The following TCP11L1 variants were observed in gnomAD, a reference collection of about 807,000 sequenced individuals.
TCP11L1 encodes the protein T-complex protein 11-like protein 1.
In TCP11L1, 28 loss-of-function variants were observed where a neutral mutation model predicts 48.9. The ratio of observed to expected loss-of-function variants is 0.57; its 90% CI spans 0.42 to 0.78. The LOEUF is 0.78. Among genes scored for constraint, TCP11L1 ranks in the 30% least tolerant of loss-of-function variants. The pLI is 0.00. For missense variants in TCP11L1, 505 were observed against 613.4 expected (o/e 0.82, Z 1.87); for synonymous variants, 204 against 231.9 (o/e 0.88, Z 1.09).
chr11:33,044,524 G>A (rs751022790), intron 2 of TCP11L1, among the ~76,000 whole-genome samples: 22 of 152,200 alleles, frequency 1.4e-4, no homozygotes, highest in Non-Finnish European at 2.9e-4. Flanking sequence ...GCATTTTGAA[G>A]TGAGTCCAAA....
intron 2 of TCP11L1, among the ~76,000 whole-genome samples, chr11:33,053,570 C>G (rs1258605721): frequency 6.6e-6 from 1 of 152,192 alleles, no homozygotes; most frequent in African/African-American, 2.4e-5. Context: ...GCAGTCGATA[C>G]AGAAGTAAAA....
At chr11:33,064,315 C>T (rs886065335) in intron 7 of TCP11L1, among the ~76,000 whole-genome samples, 2 of 152,130 alleles carry the variant, frequency 1.3e-5, no homozygotes, top group African/African-American at 4.8e-5. Context: ...GACGATGAGT[C>T]CTTGGGATTG....
At position 33,065,911 on chromosome 11, in the gene TCP11L1, G is replaced by C; in HGVS notation, c.1054G>C (p.Val352Leu). The C allele has an allele frequency of 1.9e-6, 3 of 1,614,200 alleles. No homozygotes were observed. Among genetic ancestry groups the C allele is most frequent in the Non-Finnish European group, 2.5e-6 (3 of 1,180,024 alleles). The change falls in exon 8 of 10, where the codon GTC becomes CTC. Residue 352 changes from valine (V) to leucine (L), a missense_variant. By Grantham distance (32) the Val-to-Leu change is conservative (BLOSUM62 1). Around this residue, in one of 3 missense-constraint regions of TCP11L1, gnomAD observed 335 missense variants for 413.3 expected, o/e 0.81. Transcript: ENST00000334274. Reference sequence around the variant, plus strand: ...GACCATCCTGGGGGCTGTGTTGCTGGTCACCTTCAGCATGGCAGCGCCAGG... The same window carrying C: ...GACCATCCTGGGGGCTGTGTTGCTGCTCACCTTCAGCATGGCAGCGCCAGG... Reference protein sequence around the residue: ...QLTILGAVLLVTFSMAAPGIS... With the variant: ...QLTILGAVLLLTFSMAAPGIS...
intron 9 of TCP11L1, among the ~76,000 whole-genome samples, chr11:33,070,363 C>A (rs1027119469): frequency 1.6e-4 from 25 of 152,032 alleles, no homozygotes; most frequent in African/African-American, 5.6e-4. Context: ...GGCTGCCAGC[C>A]CTGGGAACCT....
chr11:33,063,761 A>G (rs1364464028), intron 7 of TCP11L1, among the ~76,000 whole-genome samples: 1 of 152,140 alleles, frequency 6.6e-6, no homozygotes, highest in Non-Finnish European at 1.5e-5. Flanking sequence ...TTCTCTAAAT[A>G]TCTTTCTTAT....
intron 9 of TCP11L1, among the ~76,000 whole-genome samples, chr11:33,070,329 A>G (rs772798097): frequency 6.6e-5 from 10 of 151,990 alleles, no homozygotes; most frequent in Non-Finnish European, 1.3e-4. Context: ...GGTAGGAACA[A>G]TACAAAGATT....
intron 2 of TCP11L1, among the ~76,000 whole-genome samples, chr11:33,051,177 A>T (rs1854149329): frequency 6.6e-6 from 1 of 151,078 alleles, no homozygotes; most frequent in Non-Finnish European, 1.5e-5. Context: ...ATTATTATTA[A>T]TTTTTTTTGA....
At chr11:33,054,832 T>G in intron 3 of TCP11L1, 107 bp downstream of exon 3, 1 of 1,251,578 alleles carries the variant, frequency 8.0e-7, no homozygotes, top group Non-Finnish European at 1.1e-6. Context: ...TTTTTCCTTT[T>G]GTACATTATT....
At chr11:33,057,367 C>T in intron 4 of TCP11L1, 132 bp downstream of exon 4, 1 of 1,448,772 alleles carries the variant, frequency 6.9e-7, no homozygotes, top group South Asian at 1.4e-5. Context: ...GAAGGTGGAT[C>T]AAGAGTGTTT....
At chr11:33,046,645 G>A (rs1183293770) in intron 2 of TCP11L1, among the ~76,000 whole-genome samples, 2 of 152,200 alleles carry the variant, frequency 1.3e-5, no homozygotes, top group African/African-American at 2.4e-5. Context: ...TATTTCTCCT[G>A]TAGTGCTAGG....
In TCP11L1 at chr11:33,054,818, C is replaced by T. The variant is rs191639649; in HGVS notation, c.296+93C>T. The T allele has an allele frequency of 1.2e-3, 1,598 of 1,371,066 alleles. 5 individuals carry two copies. The highest frequency in any genetic ancestry group is 5.0e-3 in the African/African-American group (334 of 67,238). 84.9% of individuals were successfully genotyped at this position (1,371,066 alleles called of 1,614,324 possible). ...TTCAGTTGATACCAATATATTCAAA[C>T]GTATTTTTCCTTTTGTACATTATTG... On this transcript the variant is annotated intron_variant, in intron 3 of 9. Coordinates refer to ENST00000334274, the MANE Select transcript of TCP11L1 (RefSeq NM_018393.4).
intron 9 of TCP11L1, among the ~76,000 whole-genome samples, chr11:33,071,093 T>A (rs1854776531): frequency 6.6e-6 from 1 of 150,948 alleles, no homozygotes; most frequent in Non-Finnish European, 1.5e-5. Flanking sequence ...GGCAGACGGA[T>A]CACTTGAGGT....
At chr11:33,064,783 T>TTTG (rs914868543) in intron 7 of TCP11L1, among the ~76,000 whole-genome samples, 1 of 152,146 alleles carries the variant, frequency 6.6e-6, no homozygotes, top group South Asian at 2.1e-4. Context: ...CTCTGGGATT[T>TTTG]TTGTTGTTGT....
chr11:33,066,149 T>G (rs542485346), intron 8 of TCP11L1, 138 bp downstream of exon 8: 19 of 1,130,056 alleles, frequency 1.7e-5, no homozygotes, highest in Non-Finnish European at 2.1e-5. Context: ...GCTGTCTCAG[T>G]TGGTTCACTT....
chr11:33,044,235 G>C (rs995034988), intron 2 of TCP11L1: 1 of 225,412 alleles, frequency 4.4e-6, no homozygotes, highest in East Asian at 9.3e-5. Context: ...ATAAATTGCA[G>C]CTTGTATTGA....
chr11:33,061,801 C>G, intron 7 of TCP11L1, 75 bp downstream of exon 7: 2 of 1,417,568 alleles, frequency 1.4e-6, no homozygotes, highest in Non-Finnish European at 1.9e-6. Context: ...ATAGCTTTGG[C>G]CAGGCACGGT....
At chr11:33,058,274 C>T in intron 5 of TCP11L1, 135 bp downstream of exon 5, 4 of 790,390 alleles carry the variant, frequency 5.1e-6, no homozygotes, top group Admixed American at 3.2e-5. Flanking sequence ...TCTTGGTTCA[C>T]TGCAACCTCC....
Position 33,068,803 on chromosome 11 carries a change from T to C in TCP11L1, c.1271T>C (p.Leu424Pro). The change falls in exon 9 of 10, where the codon CTC becomes CCC. Residue 424 changes from leucine (L) to proline (P), a missense_variant. Around this residue, in one of 3 missense-constraint regions of TCP11L1, gnomAD observed 335 missense variants for 413.3 expected, o/e 0.81. Transcript: ENST00000334274. Reference protein sequence around the residue: ...SPFTTDKETVLKGQIQAVASP... With the variant: ...SPFTTDKETVPKGQIQAVASP... The stretch of plus-strand genomic sequence containing the variant: ...TTCACCACGGACAAGGAGACCGTGC[T>C]CAAGGGCCAGATCCAGGCCGTGGCC... 1 of 1,614,098 alleles carries C rather than the reference T, an allele frequency of 6.2e-7. No individual in the cohort carries two copies. The highest frequency in any genetic ancestry group is 8.5e-7 in the Non-Finnish European group (1 of 1,179,998).
intron 6 of TCP11L1, among the ~76,000 whole-genome samples, chr11:33,060,638 T>C (rs1466872556): frequency 6.6e-6 from 1 of 152,100 alleles, no homozygotes; most frequent in Non-Finnish European, 1.5e-5. Flanking sequence ...ATTACCAAGC[T>C]TAGAAAAGCA....
Sources: allele counts gnomAD v4.1 joint callset (sites outside exome capture counted in the v4.1 genomes callset), GRCh38; gene constraint gnomAD v4.1.1; regional missense constraint gnomAD v4.1.1; transcripts MANE v1.5; gene names NCBI Gene and HGNC (gene_info 2026-07-23, HGNC 2026-07-21).